The following CLEC2B variants were observed in gnomAD, a reference collection of about 807,000 sequenced individuals.
CLEC2B encodes C-type (calcium dependent, carbohydrate-recognition domain) lectin, superfamily member 2 (activation-induced).
In CLEC2B, 14 loss-of-function variants were observed where a neutral mutation model predicts 16.2. The observed-to-expected ratio is 0.86, with a 90% CI of 0.57 to 1.35. CLEC2B has a LOEUF of 1.35. Among genes scored for constraint, CLEC2B ranks in the 40% most tolerant of loss-of-function variants. CLEC2B has a pLI of 0.00. For missense variants in CLEC2B, 166 were observed against 182.3 expected, an observed-to-expected ratio of 0.91 and a Z score of 0.52; for synonymous variants, 42 against 55.8, an observed-to-expected ratio of 0.75 and a Z score of 1.10.
chr12:9,860,120 T>C (rs1430023659), intron 2 of CLEC2B, among the ~76,000 whole-genome samples: 1 of 151,726 alleles, frequency 6.6e-6, no homozygotes, highest in African/African-American at 2.4e-5. Context: ...TTACTACTTA[T>C]ACTCAACCTT....
chr12:9,857,738 T>C lies in CLEC2B; in HGVS notation c.74-101A>G, dbSNP rs114902387. 2.4e-3 allele frequency: 2,234 copies of C among 932,644 alleles called. 30 individuals carry two copies. In the African/African-American group the frequency reaches 0.034, roughly 14 times the overall value. The allele number at this position is 932,644 out of a possible 1,614,324, so 57.8% of individuals were successfully genotyped here. A position where few individuals can be genotyped will look rare whatever the true frequency, so the allele number is the denominator to read the frequency against. On this transcript the variant is annotated intron_variant, in intron 2 of 4. Transcript: ENST00000228438. ...AGGTTTTTGATGTAAAAGATTATGGTCACTATGAAAGTTGTATATCTATTA... is the reference window on the plus strand; with the variant it reads ...AGGTTTTTGATGTAAAAGATTATGGCCACTATGAAAGTTGTATATCTATTA...
intron 2 of CLEC2B, among the ~76,000 whole-genome samples, chr12:9,858,133 C>A (rs973456761): frequency 1.3e-5 from 2 of 152,018 alleles, no homozygotes; most frequent in Non-Finnish European, 2.9e-5. Flanking sequence ...ATGAATGGAA[C>A]TAACATGAGA....
At position 9,853,403 on chromosome 12, in the gene CLEC2B, C is replaced by T; in HGVS notation, c.347G>A (p.Gly116Asp). 1 of 1,612,838 alleles carries T rather than the reference C, an allele frequency of 6.2e-7. No homozygotes were observed. Among genetic ancestry groups the T allele is most frequent in the Non-Finnish European group, 8.5e-7 (1 of 1,178,890 alleles). The change falls in exon 5 of 5, where the codon GGC becomes GAC. Residue 116 changes from glycine to aspartate, a missense_variant. Gly to Asp is a moderately conservative substitution (Grantham distance 94). Coordinates refer to ENST00000228438, the MANE Select transcript of CLEC2B (RefSeq NM_005127.3). The stretch of plus-strand genomic sequence containing the variant: ...GGCACATCCTTCACTCCCTCTCATG[C>T]CAAACCTGCAACAAAGGGATTAACC... ...VDGATFTKSF[G>D]MRGSEGCAYL... is the part of the protein sequence containing the mutation.
chr12:9,868,751 T>C (rs572545243), intron 1 of CLEC2B, among the ~76,000 whole-genome samples: 17 of 152,198 alleles, frequency 1.1e-4, no homozygotes, highest in Non-Finnish European at 1.8e-4. Context: ...AATTCCTTAG[T>C]AAGAGTAGGA....
At chr12:9,853,564 A>T (rs1469188998) in intron 4 of CLEC2B, among the ~76,000 whole-genome samples, 156 bp from the exon 5 acceptor site, 3 of 152,222 alleles carry the variant, frequency 2.0e-5, no homozygotes, top group African/African-American at 7.2e-5. Flanking sequence ...AATTTGGATC[A>T]AAAGAGTTTC....
chr12:9,853,518 A>C, intron 4 of CLEC2B, 110 bp from the exon 5 acceptor site: 1 of 774,068 alleles, frequency 1.3e-6, no homozygotes, highest in Non-Finnish European at 2.3e-6. Flanking sequence ...GTACTATGGC[A>C]CAGTTCTCTC....
chr12:9,869,134 G>A (rs1365299470), intron 1 of CLEC2B, 71 bp downstream of exon 1: 4 of 152,000 alleles, frequency 2.6e-5, no homozygotes, highest in African/African-American at 4.8e-5. Flanking sequence ...TTCTTTTCTC[G>A]AAGGCTTTAA....
At chr12:9,866,355 A>G (rs1043773046) in intron 1 of CLEC2B, among the ~76,000 whole-genome samples, 1 of 152,126 alleles carries the variant, frequency 6.6e-6, no homozygotes, top group Non-Finnish European at 1.5e-5. Flanking sequence ...TATAGATGTT[A>G]GAGATATCAT....
chr12:9,865,774 A>G (rs1867966454), intron 1 of CLEC2B, among the ~76,000 whole-genome samples: 1 of 152,180 alleles, frequency 6.6e-6, no homozygotes, highest in Non-Finnish European at 1.5e-5. Flanking sequence ...AAGTCTCAAT[A>G]AATTAAAAAA....
intron 1 of CLEC2B, among the ~76,000 whole-genome samples, chr12:9,864,217 T>G (rs1187464567): frequency 6.7e-6 from 1 of 149,214 alleles, no homozygotes; most frequent in Non-Finnish European, 1.5e-5. Flanking sequence ...AAAGCTGACC[T>G]TCAAATATGA....
intron 2 of CLEC2B, among the ~76,000 whole-genome samples, chr12:9,859,352 T>C (rs928009067): frequency 1.3e-5 from 2 of 151,934 alleles, no homozygotes; most frequent in Non-Finnish European, 2.9e-5. Context: ...ATAAGATGAC[T>C]TTTGTTGAAT....
At chr12:9,868,364 G>T (rs1015068218) in intron 1 of CLEC2B, among the ~76,000 whole-genome samples, 2 of 151,978 alleles carry the variant, frequency 1.3e-5, no homozygotes, top group Non-Finnish European at 2.9e-5. Context: ...TATAAAACCG[G>T]TTAAAATACG....
Position 9,853,174 on chromosome 12 carries a change from C to A in CLEC2B, c.*126G>T. 2 of 724,482 alleles carry A rather than the reference C, an allele frequency of 2.8e-6. No homozygotes were observed. Among genetic ancestry groups the A allele is most frequent in the Non-Finnish European group, 4.7e-6 (2 of 425,466 alleles). 44.9% of individuals were successfully genotyped at this position (724,482 alleles called of 1,614,324 possible). A position where few individuals can be genotyped will look rare whatever the true frequency, so the allele number is the denominator to read the frequency against. ...CTTTGAAGTGGCTTTTATGTGTAGCCTGACACGTAAGCAGAATTAACCAGA... is the reference window on the plus strand; with the variant it reads ...CTTTGAAGTGGCTTTTATGTGTAGCATGACACGTAAGCAGAATTAACCAGA... On this transcript the variant is annotated 3_prime_UTR_variant, in exon 5 of 5. Coordinates refer to ENST00000228438, the MANE Select transcript of CLEC2B (RefSeq NM_005127.3).
At position 9,857,507 on chromosome 12, in the gene CLEC2B, G is replaced by A. The variant is rs370109041; in HGVS notation, c.204C>T (p.Ala68=). 2.5e-5 allele frequency: 41 copies of A among 1,609,600 alleles called. 1 individual carries two copies. In the Admixed American group the frequency reaches 3.2e-4, roughly 12 times the overall value. Residue 68 remains alanine (A), a synonymous_variant, in exon 3 of 5, where the codon GCC becomes GCT. Coordinates refer to ENST00000228438, the MANE Select transcript of CLEC2B (RefSeq NM_005127.3). ...SSKYNCSTQH[A]DLTIIDNIEE... ...CTATGTTGTCAATTATAGTTAGGTCGGCATGTTGAGTGGAACAGTTGTATT... is the reference window on the plus strand; with the variant it reads ...CTATGTTGTCAATTATAGTTAGGTCAGCATGTTGAGTGGAACAGTTGTATT...
intron 3 of CLEC2B, among the ~76,000 whole-genome samples, chr12:9,856,165 A>G (rs183725811): frequency 6.6e-6 from 1 of 152,192 alleles, no homozygotes; most frequent in Non-Finnish European, 1.5e-5. Flanking sequence ...TTATTTAGTC[A>G]ATCTTTGCTG....
At chr12:9,864,692 TAG>T (rs1371006989) in intron 1 of CLEC2B, among the ~76,000 whole-genome samples, 1 of 152,004 alleles carries the variant, frequency 6.6e-6, no homozygotes, top group African/African-American at 2.4e-5. Context: ...AAACCTATAG[TAG>T]AGTCATTAAA....
chr12:9,853,549 A>G (rs1867868685), intron 4 of CLEC2B, 141 bp from the exon 5 acceptor site: 1 of 648,036 alleles, frequency 1.5e-6, no homozygotes, highest in Non-Finnish European at 2.8e-6. Context: ...TGAGATACCT[A>G]TACCAATTTG....
chr12:9,863,249 G>A (rs1383165042), intron 1 of CLEC2B, among the ~76,000 whole-genome samples: 4 of 151,916 alleles, frequency 2.6e-5, no homozygotes, highest in Non-Finnish European at 5.9e-5. Context: ...AAGGCACCAT[G>A]TAGTCATAAC....
intron 4 of CLEC2B, among the ~76,000 whole-genome samples, chr12:9,853,663 C>A (rs776836952): frequency 3.9e-5 from 6 of 152,116 alleles, no homozygotes; most frequent in Non-Finnish European, 8.8e-5. Context: ...CAATGGTTTT[C>A]AATTAGGGGT....
Sources: allele counts gnomAD v4.1 joint callset (sites outside exome capture counted in the v4.1 genomes callset), GRCh38; gene constraint gnomAD v4.1.1; transcripts MANE v1.5; gene names NCBI Gene and HGNC (gene_info 2026-07-23, HGNC 2026-07-21).